NAALADL2: variants seen among roughly 807,000 people sequenced by gnomAD.
The protein encoded by NAALADL2 is inactive N-acetylated-alpha-linked acidic dipeptidase-like protein 2.
NAALADL2 carries 76 observed loss-of-function variants against 87.2 expected under a neutral mutation model. That is an observed-to-expected ratio of 0.87 (90% confidence interval 0.72 to 1.05). The LOEUF is 1.05. NAALADL2 is among the 50% of genes least tolerant of loss of function. NAALADL2 has a pLI of 0.00. For synonymous variants in NAALADL2, 354 were observed against 331.0 expected, an observed-to-expected ratio of 1.07 and a Z score of -0.75; for missense variants, 1,089 against 945.8, an observed-to-expected ratio of 1.15 and a Z score of -1.99.
chr3:175,221,789 T>TTTATTTA (rs1560185199), intron 2 of NAALADL2, among the ~76,000 whole-genome samples: 3 of 100,480 alleles, frequency 3.0e-5, no homozygotes, highest in African/African-American at 1.5e-4. Context: ...TTATTTATTT[T>TTTATTTA]TTTGGAGATG....
intron 9 of NAALADL2, among the ~76,000 whole-genome samples, chr3:175,518,066 AT>A (rs1023646984): frequency 6.6e-6 from 1 of 152,156 alleles, no homozygotes; most frequent in Non-Finnish European, 1.5e-5. Flanking sequence ...CTAGTCCCAG[AT>A]AGCCTTTTCT....
chr3:174,798,223 C>A (rs769813363), intron 3 of NAALADL2, among the ~76,000 whole-genome samples: 6 of 152,250 alleles, frequency 3.9e-5, no homozygotes, highest in Non-Finnish European at 8.8e-5. Context: ...TATCTTCATG[C>A]CAGTACTACA....
At chr3:174,756,058 C>T (rs1210989474) in intron 3 of NAALADL2, among the ~76,000 whole-genome samples, 2 of 152,154 alleles carry the variant, frequency 1.3e-5, no homozygotes, top group Non-Finnish European at 2.9e-5. Context: ...TTACTATCAG[C>T]GGGAGACTGA....
intron 1 of NAALADL2, among the ~76,000 whole-genome samples, chr3:174,547,076 T>C (rs1159964907): frequency 6.6e-6 from 1 of 152,184 alleles, no homozygotes; most frequent in Non-Finnish European, 1.5e-5. Flanking sequence ...TTAGATTGAT[T>C]AGTTTTTGTT....
intron 2 of NAALADL2, among the ~76,000 whole-genome samples, chr3:175,224,856 G>A (rs550243522): frequency 5.3e-5 from 8 of 152,030 alleles, no homozygotes; most frequent in African/African-American, 1.7e-4. Context: ...TATAATTTTC[G>A]TTTTTGTTTT....
At chr3:175,167,882 C>A (rs188589110) in intron 2 of NAALADL2, among the ~76,000 whole-genome samples, 214 of 152,000 alleles carry the variant, frequency 1.4e-3, no homozygotes, top group Middle Eastern at 3.4e-3. Context: ...CAGCAGTTGT[C>A]ATTACTGGAA....
At chr3:174,678,811 G>T (rs1247538522) in intron 2 of NAALADL2, among the ~76,000 whole-genome samples, 1 of 152,114 alleles carries the variant, frequency 6.6e-6, no homozygotes, top group African/African-American at 2.4e-5. Flanking sequence ...AAATTTGTTT[G>T]TCATGTATTC....
At chr3:175,022,868 A>C (rs561766215) in intron 1 of NAALADL2, among the ~76,000 whole-genome samples, 26 of 152,192 alleles carry the variant, frequency 1.7e-4, no homozygotes, top group African/African-American at 5.5e-4. Context: ...TGAAGTGTCT[A>C]CCTAAAGTCT....
At chr3:175,533,327 G>T (rs1582284531) in intron 9 of NAALADL2, among the ~76,000 whole-genome samples, 1 of 152,162 alleles carries the variant, frequency 6.6e-6, no homozygotes, top group East Asian at 1.9e-4. Flanking sequence ...TGCCCCTAGG[G>T]GCCCACTGGG....
intron 4 of NAALADL2, among the ~76,000 whole-genome samples, chr3:175,279,464 T>C (rs1484191998): frequency 1.3e-5 from 2 of 152,070 alleles, no homozygotes; most frequent in South Asian, 2.1e-4. Context: ...GTTGAAAATA[T>C]ACCTTTAATT....
At chr3:175,131,334 AT>A (rs1039814640) in intron 2 of NAALADL2, among the ~76,000 whole-genome samples, 24 of 151,920 alleles carry the variant, frequency 1.6e-4, no homozygotes, top group African/African-American at 5.8e-4. Context: ...GATACTTGAG[AT>A]TAGGGAGTGG....
At chr3:175,302,351 A>G (rs887417286) in intron 4 of NAALADL2, among the ~76,000 whole-genome samples, 3 of 152,194 alleles carry the variant, frequency 2.0e-5, no homozygotes, top group African/African-American at 7.2e-5. Flanking sequence ...TTAGATCGTT[A>G]TTATTTGTCC....
chr3:175,752,323 T>C (rs1398817652), intron 12 of NAALADL2, among the ~76,000 whole-genome samples: 1 of 152,070 alleles, frequency 6.6e-6, no homozygotes, highest in African/African-American at 2.4e-5. Flanking sequence ...ACTGGCACTT[T>C]TAGGTGCTAG....
At chr3:175,058,576 G>A (rs568816257) in intron 1 of NAALADL2, among the ~76,000 whole-genome samples, 7 of 152,144 alleles carry the variant, frequency 4.6e-5, no homozygotes, top group Middle Eastern at 3.4e-3. Flanking sequence ...ATGATAAGTC[G>A]GGGGGTGCAT....
chr3:175,418,515 A>G (rs1390294906), intron 5 of NAALADL2, among the ~76,000 whole-genome samples: 2 of 152,254 alleles, frequency 1.3e-5, no homozygotes, highest in South Asian at 2.1e-4. Context: ...ATTGAATAGG[A>G]AGTATAATTT....
chr3:174,732,415 G>C (rs1319003949), intron 2 of NAALADL2, among the ~76,000 whole-genome samples: 1 of 152,026 alleles, frequency 6.6e-6, no homozygotes, highest in East Asian at 1.9e-4. Flanking sequence ...ATTTTTGAAG[G>C]GATGGCGAGG....
At chr3:175,054,726 T>C (rs938807466) in intron 1 of NAALADL2, among the ~76,000 whole-genome samples, 1 of 152,210 alleles carries the variant, frequency 6.6e-6, no homozygotes, top group Non-Finnish European at 1.5e-5. Context: ...GAACTTTGTC[T>C]TTCCCCTTGA....
chr3:175,125,014 T>G, intron 2 of NAALADL2, among the ~76,000 whole-genome samples: 1 of 151,864 alleles, frequency 6.6e-6, no homozygotes, highest in African/African-American at 2.4e-5. Flanking sequence ...TAGGGAGAAG[T>G]AGATCGTATA....
intron 1 of NAALADL2, among the ~76,000 whole-genome samples, chr3:175,032,724 C>A (rs1484949911): frequency 2.0e-5 from 3 of 151,992 alleles, no homozygotes; most frequent in African/African-American, 7.2e-5. Context: ...TCATTTCCTT[C>A]AACTCAACTA....
Sources: allele counts gnomAD v4.1 joint callset (sites outside exome capture counted in the v4.1 genomes callset), GRCh38; gene constraint gnomAD v4.1.1; transcripts MANE v1.5; gene names NCBI Gene and HGNC (gene_info 2026-07-23, HGNC 2026-07-21).